Variants in RAB28 observed in about 807,000 individuals in gnomAD.
RAB28 encodes the protein RAB28, member RAS oncogene family.
A neutral mutation model predicts 31.7 loss-of-function variants in RAB28; 24 were observed. That is an observed-to-expected ratio of 0.76 (90% confidence interval 0.55 to 1.06). The LOEUF (loss-of-function observed/expected upper bound fraction) is 1.06, where lower values mean the gene tolerates loss of function less well. Among genes scored for constraint, RAB28 ranks in the 50% least tolerant of loss-of-function variants. RAB28 has a pLI of 0.00. For synonymous variants in RAB28, 100 were observed against 90.4 expected (o/e 1.11, Z -0.60); for missense variants, 254 against 258.5 (o/e 0.98, Z 0.12).
chr4:13,383,025 T>G (rs1430127969), intron 4 of RAB28, among the ~76,000 whole-genome samples: 1 of 152,080 alleles, frequency 6.6e-6, no homozygotes, highest in Non-Finnish European at 1.5e-5. Context: ...GTTTTGTTTT[T>G]TTTGCTCTTC....
chr4:13,477,457 C>G (rs1238347931), intron 2 of RAB28, among the ~76,000 whole-genome samples: 1 of 151,426 alleles, frequency 6.6e-6, no homozygotes, highest in Non-Finnish European at 1.5e-5. Context: ...CATTAATCAT[C>G]CTACATGTGA....
At chr4:13,452,640 T>C (rs1441006486) in intron 4 of RAB28, among the ~76,000 whole-genome samples, 1 of 152,092 alleles carries the variant, frequency 6.6e-6, no homozygotes, top group Non-Finnish European at 1.5e-5. Context: ...CTTGATATGA[T>C]TTCAATTTTT....
Position 13,368,589 on chromosome 4 carries a change from G to C in RAB28, c.635C>G (p.Pro212Arg), listed in dbSNP as rs1417815774. ...NQEPMSRTVN[P>R]PRSSMCAVQ ...AACTGCACACATAGAGCTTCTAGGA[G>C]GGTTAACAGTCCTTGACATAGGTTC... Residue 212 changes from proline (P) to arginine (R), a missense_variant, in exon 7 of 7, where the codon CCT (proline) becomes CGT (arginine). By Grantham distance (103) the Pro-to-Arg change is moderately radical. Transcript: ENST00000330852. 3.1e-6 allele frequency: 5 copies of C among 1,612,442 alleles called. No homozygotes were observed. Among genetic ancestry groups the C allele is most frequent in the Non-Finnish European group, 4.2e-6 (5 of 1,179,070 alleles).
chr4:13,459,715 A>G, intron 4 of RAB28: 1 of 1,014,926 alleles, frequency 9.9e-7, no homozygotes, highest in Non-Finnish European at 1.2e-6. Flanking sequence ...GAAAAAAAAC[A>G]AAAATTTAGA....
intron 4 of RAB28, among the ~76,000 whole-genome samples, chr4:13,436,144 T>C (rs572119526): frequency 1.3e-5 from 2 of 152,106 alleles, no homozygotes; most frequent in South Asian, 4.1e-4. Context: ...AGGCATTCAA[T>C]AAAATGCAAC....
At chr4:13,459,992 G>A (rs73231520) in intron 4 of RAB28, 127 of 1,018,792 alleles carry the variant, frequency 1.2e-4, no homozygotes, top group Middle Eastern at 4.7e-4. Flanking sequence ...CCAAAGCAGC[G>A]GAGCAGTTAT....
intron 4 of RAB28, among the ~76,000 whole-genome samples, chr4:13,402,921 G>C (rs1711856698): frequency 6.6e-6 from 1 of 152,074 alleles, no homozygotes. Flanking sequence ...CACCTCTCAA[G>C]TAGCTGGGAA....
intron 6 of RAB28, chr4:13,371,845 G>A (rs1728725418): frequency 6.5e-7 from 1 of 1,546,522 alleles, no homozygotes; most frequent in Non-Finnish European, 8.7e-7. Context: ...ATTAGTTGAT[G>A]AAATGAAAAT....
chr4:13,380,429 T>C (rs963953260), intron 5 of RAB28, among the ~76,000 whole-genome samples: 3 of 152,034 alleles, frequency 2.0e-5, no homozygotes, highest in East Asian at 1.9e-4. Context: ...TTAGCACTAA[T>C]ATAAAAATGG....
intron 3 of RAB28, among the ~76,000 whole-genome samples, chr4:13,465,451 T>C (rs1715792063): frequency 6.6e-6 from 1 of 150,528 alleles, no homozygotes. Context: ...TTACAGAGAA[T>C]AGCTCATCAG....
intron 4 of RAB28, among the ~76,000 whole-genome samples, chr4:13,442,661 C>T (rs1475535028): frequency 6.6e-6 from 1 of 151,926 alleles, no homozygotes; most frequent in East Asian, 1.9e-4. Context: ...GACCTCCTCC[C>T]ATTACCCATA....
intron 4 of RAB28, among the ~76,000 whole-genome samples, chr4:13,444,018 C>CTT (rs541621588): frequency 1.4e-4 from 20 of 140,890 alleles, no homozygotes; most frequent in East Asian, 6.1e-4. Context: ...ACAGGATTTC[C>CTT]TTTTTTTTTT....
intron 3 of RAB28, among the ~76,000 whole-genome samples, chr4:13,473,608 G>T (rs1252298798): frequency 6.6e-6 from 1 of 151,654 alleles, no homozygotes; most frequent in Admixed American, 6.6e-5. Flanking sequence ...AACTTTTAAA[G>T]TATATTACTA....
At chr4:13,389,003 C>T (rs1292861315) in intron 4 of RAB28, among the ~76,000 whole-genome samples, 4 of 152,038 alleles carry the variant, frequency 2.6e-5, no homozygotes, top group African/African-American at 2.4e-5. Context: ...GCTATTTGCA[C>T]ATCCAAGTTT....
chr4:13,427,725 G>A (rs1006710765), intron 4 of RAB28, among the ~76,000 whole-genome samples: 1 of 152,162 alleles, frequency 6.6e-6, no homozygotes, highest in African/African-American at 2.4e-5. Context: ...AAAATTCCCA[G>A]AATGCAAACG....
chr4:13,439,566 C>G (rs2108939559), intron 4 of RAB28, among the ~76,000 whole-genome samples: 1 of 152,272 alleles, frequency 6.6e-6, no homozygotes, highest in Non-Finnish European at 1.5e-5. Context: ...AGACTGGTCT[C>G]AAACTCCTGG....
chr4:13,401,914 C>T lies in RAB28; in HGVS notation c.392-20320G>A, dbSNP rs149956888. 4.6e-3 allele frequency among the ~76,000 whole-genome samples: 698 copies of T among 152,302 alleles called. 6 individuals are homozygous for T. The highest frequency in any genetic ancestry group is 0.016 in the African/African-American group (665 of 41,568). On this transcript the variant is annotated intron_variant, in intron 4 of 6. Transcript: ENST00000330852. ...AGTATAAGCATTTAATAATGCTAGA[C>T]ATATTTCTCTAAACACTGCATTGGC...
intron 4 of RAB28, among the ~76,000 whole-genome samples, chr4:13,432,088 G>T (rs1328565763): frequency 6.6e-6 from 1 of 151,980 alleles, no homozygotes; most frequent in Non-Finnish European, 1.5e-5. Context: ...GCTATATTAA[G>T]AAAAAACCAA....
At chr4:13,474,432 A>AAATGAATAT (rs1365473060) in intron 2 of RAB28, 26 bp from the exon 3 acceptor site, 1 of 1,366,782 alleles carries the variant, frequency 7.3e-7, no homozygotes. Context: ...TGAATATAAA[A>AAATGAATAT]ATAAGAATAC....
Sources: allele counts gnomAD v4.1 joint callset (sites outside exome capture counted in the v4.1 genomes callset), GRCh38; gene constraint gnomAD v4.1.1; transcripts MANE v1.5; gene names NCBI Gene and HGNC (gene_info 2026-07-23, HGNC 2026-07-21).